ARHGAP11B: variants seen among roughly 807,000 people sequenced by gnomAD.
ARHGAP11B encodes Rho GTPase activating protein 11B, also known as inactive Rho GTPase-activating protein 11B.
A neutral mutation model predicts 27.6 loss-of-function variants in ARHGAP11B; 14 were observed. The observed-to-expected ratio is 0.51, with a 90% CI of 0.34 to 0.79. The LOEUF (loss-of-function observed/expected upper bound fraction) is 0.79, where lower values mean the gene tolerates loss of function less well. Among genes scored for constraint, ARHGAP11B ranks in the 30% least tolerant of loss-of-function variants. The probability of loss-of-function intolerance (pLI) is 0.02; values close to 1 mark genes in which losing one functional copy is unlikely to be tolerated. For synonymous variants in ARHGAP11B, 82 were observed against 114.1 expected (o/e 0.72, Z 1.80); for missense variants, 245 against 320.1 (o/e 0.77, Z 1.79).
At chr15:30,644,360 A>T (rs940885357) in intron 7 of ARHGAP11B, among the ~76,000 whole-genome samples, 6 of 152,066 alleles carry the variant, frequency 3.9e-5, no homozygotes, top group Admixed American at 1.3e-4. Context: ...TGAATTTCTA[A>T]TTAGAGGTAA....
At chr15:30,632,556 T>C in intron 2 of ARHGAP11B, among the ~76,000 whole-genome samples, 1 of 151,722 alleles carries the variant, frequency 6.6e-6, no homozygotes. Context: ...GTCAGTTACC[T>C]TCTGTAAATA....
At chr15:30,648,158 AT>A (rs908524360) in intron 10 of ARHGAP11B, among the ~76,000 whole-genome samples, 1 of 152,004 alleles carries the variant, frequency 6.6e-6, no homozygotes, top group Non-Finnish European at 1.5e-5. Flanking sequence ...CTGTGTATTA[AT>A]TTAGTTATAC....
At chr15:30,635,113 T>C in exon 5 of ARHGAP11B, 1 of 1,613,562 alleles carries the variant, frequency 6.2e-7, no homozygotes. Flanking sequence ...GCAGCAATCT[T>C]GCAGTAATAT....
At position 30,635,643 on chromosome 15, in the gene ARHGAP11B, G is replaced by A. The variant is rs1410449299; in HGVS notation, c.*3+10G>A. On this transcript the variant is annotated intron_variant, in intron 6 of 10. Transcript: ENST00000428041. ...AGACAACGTGTAGGAGGTAAGTGGT[G>A]GTCCCATTTTATGGAGGTACAGTGA... The A allele has an allele frequency of 6.2e-7, 1 of 1,612,982 alleles. No homozygotes were observed. The highest frequency in any genetic ancestry group is 1.7e-5 in the Admixed American group (1 of 59,856).
intron 2 of ARHGAP11B, among the ~76,000 whole-genome samples, chr15:30,632,294 G>T: frequency 7.3e-6 from 1 of 137,782 alleles, no homozygotes; most frequent in Non-Finnish European, 1.6e-5. Flanking sequence ...AGTGATGTGT[G>T]CCTATAGTCC....
At chr15:30,638,673 C>T in intron 6 of ARHGAP11B, 73 bp from the exon 7 acceptor site, 1 of 936,270 alleles carries the variant, frequency 1.1e-6, no homozygotes, top group Non-Finnish European at 1.6e-6. Context: ...AAGAAGACCG[C>T]AAATATTAAT....
At chr15:30,627,544 A>G (rs1386874927) in intron 1 of ARHGAP11B, among the ~76,000 whole-genome samples, 1 of 152,128 alleles carries the variant, frequency 6.6e-6, no homozygotes, top group South Asian at 2.1e-4. Flanking sequence ...CTGCTTGGCC[A>G]TATCATACTT....
intron 6 of ARHGAP11B, among the ~76,000 whole-genome samples, chr15:30,637,262 A>G (rs2060285270): frequency 6.6e-6 from 1 of 151,928 alleles, no homozygotes; most frequent in South Asian, 2.1e-4. Context: ...TGAAATGACC[A>G]TCTTTATCCT....
rs912357886 is a variant in ARHGAP11B at position 30,645,907 on chromosome 15, G to T, written c.*143-207G>T. Among the ~76,000 whole-genome samples the T allele has an allele frequency of 2.6e-5, 4 of 152,018 alleles. No individual in the cohort carries two copies. In the South Asian group the frequency reaches 6.2e-4, roughly 24 times the overall value. ...GAAAGCATAGTTTTCCATTGAAGTG[G>T]TTAAAAAGTTTCCATGTGTAGATAA... is the stretch of plus-strand genomic sequence containing the variant. On this transcript the variant is annotated intron_variant, in intron 8 of 10. Transcript: ENST00000428041.
At chr15:30,644,689 A>G in exon 8 of ARHGAP11B, 1 of 1,583,186 alleles carries the variant, frequency 6.3e-7, no homozygotes, top group Admixed American at 1.7e-5. Context: ...TATTGCATCT[A>G]CCAGCATTTT....
rs1447235903 is a variant in ARHGAP11B at position 30,635,069 on chromosome 15, A to G, written c.552-11A>G. The G allele has an allele frequency of 1.2e-6, 2 of 1,612,150 alleles. No homozygotes were observed. The highest frequency in any genetic ancestry group is 1.7e-6 in the Non-Finnish European group (2 of 1,178,470). On this transcript the variant is annotated splice_polypyrimidine_tract_variant and intron_variant, in intron 4 of 10. Transcript: ENST00000428041. Reference sequence around the variant, plus strand: ...TTTGGCTCCATCTAATAAAGCGTTTATTCACTTAAGATCCAGTGAGAATAA... The same window carrying G: ...TTTGGCTCCATCTAATAAAGCGTTTGTTCACTTAAGATCCAGTGAGAATAA...
intron 7 of ARHGAP11B, among the ~76,000 whole-genome samples, chr15:30,642,577 T>C (rs1208913340): frequency 2.0e-5 from 3 of 151,970 alleles, no homozygotes; most frequent in African/African-American, 7.2e-5. Flanking sequence ...TATAATACCA[T>C]TAATTAGTAT....
At chr15:30,635,401 G>T (rs1045262808) in intron 5 of ARHGAP11B, 86 bp from the exon 6 acceptor site, 10 of 1,509,878 alleles carry the variant, frequency 6.6e-6, no homozygotes, top group African/African-American at 1.4e-5. Context: ...AAAAAGAAAA[G>T]AAATTGGTAT....
At chr15:30,629,145 T>G (rs1449863560) in intron 1 of ARHGAP11B, among the ~76,000 whole-genome samples, 1 of 152,112 alleles carries the variant, frequency 6.6e-6, no homozygotes, top group Non-Finnish European at 1.5e-5. Context: ...TTTATTTAAT[T>G]CTTCCTACAC....
chr15:30,643,402 C>A (rs1355055259), intron 7 of ARHGAP11B, among the ~76,000 whole-genome samples: 3 of 151,908 alleles, frequency 2.0e-5, no homozygotes, highest in Middle Eastern at 3.4e-3. Context: ...CCTCAGCCTC[C>A]TGAGTAGCTA....
At chr15:30,640,593 C>T (rs1328404609) in intron 7 of ARHGAP11B, among the ~76,000 whole-genome samples, 1 of 151,756 alleles carries the variant, frequency 6.6e-6, no homozygotes, top group Non-Finnish European at 1.5e-5. Context: ...TGTGAGTGAT[C>T]TCTGATTATT....
intron 7 of ARHGAP11B, among the ~76,000 whole-genome samples, chr15:30,643,211 G>C (rs1038842095): frequency 4.6e-5 from 7 of 150,798 alleles, no homozygotes; most frequent in East Asian, 1.9e-4. Flanking sequence ...CATATAATCT[G>C]TCCTAGTCTT....
intron 3 of ARHGAP11B, among the ~76,000 whole-genome samples, chr15:30,633,841 A>G (rs1402151147): frequency 6.6e-6 from 1 of 151,798 alleles, no homozygotes; most frequent in Non-Finnish European, 1.5e-5. Flanking sequence ...AAATGTGTTA[A>G]GTTATATTGT....
At chr15:30,640,757 C>G (rs2060310508) in intron 7 of ARHGAP11B, among the ~76,000 whole-genome samples, 1 of 151,884 alleles carries the variant, frequency 6.6e-6, no homozygotes, top group Admixed American at 6.6e-5. Context: ...AGAATAGCAA[C>G]TTGAGGTTTT....
Sources: allele counts gnomAD v4.1 joint callset (sites outside exome capture counted in the v4.1 genomes callset), GRCh38; gene constraint gnomAD v4.1.1; transcripts MANE v1.5; gene names NCBI Gene and HGNC (gene_info 2026-07-23, HGNC 2026-07-21).